Variants in RBFOX1 observed in about 807,000 individuals in gnomAD.
RBFOX1 encodes the protein RNA binding protein fox-1 homolog 1.
In RBFOX1, 8 loss-of-function variants were observed where a neutral mutation model predicts 57.7. That is an observed-to-expected ratio of 0.14 (90% confidence interval 0.08 to 0.25). The LOEUF is 0.25. Ranked by LOEUF, RBFOX1 falls within the 10% of genes least tolerant of loss-of-function variation. RBFOX1 has a pLI of 1.00. For missense variants in RBFOX1, 611 were observed against 548.5 expected (o/e 1.11, Z -1.14); for synonymous variants, 326 against 222.4 (o/e 1.47, Z -4.15).
intron 2 of RBFOX1, among the ~76,000 whole-genome samples, chr16:6,366,042 C>G (rs2089542124): frequency 6.7e-6 from 1 of 149,828 alleles, no homozygotes; most frequent in African/African-American, 2.5e-5. Context: ...TGGCTCCTTG[C>G]CTGACTTTCA....
chr16:7,606,881 TG>T (rs1467634494), intron 9 of RBFOX1, among the ~76,000 whole-genome samples: 1 of 152,216 alleles, frequency 6.6e-6, no homozygotes, highest in East Asian at 1.9e-4. Flanking sequence ...CCAAGAATTT[TG>T]TTTATGCAAG....
chr16:6,933,215 C>T (rs1479353977), intron 3 of RBFOX1, among the ~76,000 whole-genome samples: 1 of 152,204 alleles, frequency 6.6e-6, no homozygotes, highest in Admixed American at 6.5e-5. Context: ...TGTACAATAC[C>T]TTTCAGAGTC....
At chr16:6,896,205 G>A (rs369703685) in intron 3 of RBFOX1, among the ~76,000 whole-genome samples, 1 of 152,246 alleles carries the variant, frequency 6.6e-6, no homozygotes, top group South Asian at 2.1e-4. Flanking sequence ...CCTGGCAGGC[G>A]AAGGTTGTAG....
chr16:5,625,089 C>T (rs1246599529), intron 3 of RBFOX1, among the ~76,000 whole-genome samples: 2 of 152,160 alleles, frequency 1.3e-5, no homozygotes, highest in African/African-American at 4.8e-5. Flanking sequence ...GCACAGAATG[C>T]AATGAAATGG....
intron 3 of RBFOX1, among the ~76,000 whole-genome samples, chr16:5,746,292 G>A (rs1452151041): frequency 1.3e-5 from 2 of 152,086 alleles, no homozygotes; most frequent in Non-Finnish European, 2.9e-5. Context: ...TGTTCCATTG[G>A]TCTATATCTC....
chr16:6,626,334 C>T (rs896205475), intron 2 of RBFOX1, among the ~76,000 whole-genome samples: 1 of 152,084 alleles, frequency 6.6e-6, no homozygotes, highest in African/African-American at 2.4e-5. Flanking sequence ...AGAGAAGATC[C>T]ATGGTGTGGA....
At chr16:6,338,304 A>G (rs1468637549) in intron 2 of RBFOX1, among the ~76,000 whole-genome samples, 2 of 152,170 alleles carry the variant, frequency 1.3e-5, no homozygotes, top group East Asian at 1.9e-4. Flanking sequence ...AAGATTACCT[A>G]TTTTTAATAC....
At chr16:6,832,489 C>G (rs1024434583) in intron 3 of RBFOX1, among the ~76,000 whole-genome samples, 1 of 152,118 alleles carries the variant, frequency 6.6e-6, no homozygotes, top group South Asian at 2.1e-4. Context: ...AAATGTAACA[C>G]CTATTGGGTA....
At chr16:7,511,574 T>C (rs1409195006) in intron 4 of RBFOX1, among the ~76,000 whole-genome samples, 1 of 152,190 alleles carries the variant, frequency 6.6e-6, no homozygotes, top group African/African-American at 2.4e-5. Context: ...ATAGCAATGA[T>C]AGCCAGGCTA....
intron 4 of RBFOX1, among the ~76,000 whole-genome samples, chr16:7,359,764 C>G (rs1361283977): frequency 6.6e-6 from 1 of 152,110 alleles, no homozygotes; most frequent in Non-Finnish European, 1.5e-5. Flanking sequence ...GTGGGTGGAT[C>G]ACAAGTTCAG....
At chr16:5,916,264 C>T (rs1326521517) in intron 4 of RBFOX1, among the ~76,000 whole-genome samples, 3 of 152,164 alleles carry the variant, frequency 2.0e-5, no homozygotes, top group African/African-American at 7.2e-5. Context: ...TTATCCATAA[C>T]AGCTCTAATT....
rs560791388 is a variant in RBFOX1, at chr16:6,491,084, A to G, written c.-63-163519A>G. Reference sequence around the variant, plus strand: ...ATACTATCTATTAGTATGCAGTACTAAAATTTAAATTATACGTGTATATAT... The same window carrying G: ...ATACTATCTATTAGTATGCAGTACTGAAATTTAAATTATACGTGTATATAT... On this transcript the variant is annotated intron_variant, in intron 2 of 15. Coordinates refer to ENST00000550418, the MANE Select transcript of RBFOX1 (RefSeq NM_018723.4). Among the ~76,000 whole-genome samples, 14 of 152,262 alleles carry G rather than the reference A, an allele frequency of 9.2e-5. No individual in the cohort carries two copies. In the East Asian group the frequency reaches 2.5e-3, roughly 27 times the overall value.
intron 2 of RBFOX1, among the ~76,000 whole-genome samples, chr16:6,627,897 G>T (rs750286342): frequency 6.6e-5 from 10 of 152,156 alleles, no homozygotes; most frequent in Admixed American, 1.3e-4. Flanking sequence ...ATAAAATGGA[G>T]TTGCTTCATC....
chr16:7,290,167 A>C (rs1307897446), intron 4 of RBFOX1, among the ~76,000 whole-genome samples: 1 of 152,212 alleles, frequency 6.6e-6, no homozygotes, highest in Non-Finnish European at 1.5e-5. Context: ...GAGCAGGATA[A>C]AAGATGCATT....
chr16:6,169,506 A>G (rs1466631116), intron 1 of RBFOX1, among the ~76,000 whole-genome samples: 3 of 152,214 alleles, frequency 2.0e-5, no homozygotes, highest in Non-Finnish European at 4.4e-5. Context: ...CGATTCCTGA[A>G]TCAGGCAGCC....
chr16:7,088,863 A>G (rs1000156698), intron 4 of RBFOX1, among the ~76,000 whole-genome samples: 2 of 152,110 alleles, frequency 1.3e-5, no homozygotes, highest in South Asian at 2.1e-4. Flanking sequence ...CATCAGCATC[A>G]TCATCACTGT....
At chr16:7,333,139 T>A in intron 4 of RBFOX1, 1 of 1,537,838 alleles carries the variant, frequency 6.5e-7, no homozygotes, top group Non-Finnish European at 9.0e-7. Context: ...GTGCTCAGAG[T>A]AATAATTGGA....
At chr16:6,838,610 C>T (rs899270373) in intron 3 of RBFOX1, among the ~76,000 whole-genome samples, 1 of 152,158 alleles carries the variant, frequency 6.6e-6, no homozygotes, top group Non-Finnish European at 1.5e-5. Context: ...CTGTGCACTG[C>T]CACTTAAGTA....
intron 2 of RBFOX1, among the ~76,000 whole-genome samples, chr16:6,334,647 A>T (rs1260521807): frequency 6.6e-6 from 1 of 152,140 alleles, no homozygotes; most frequent in African/African-American, 2.4e-5. Flanking sequence ...TTCCAGGCTG[A>T]GTGAAATAAG....
Sources: allele counts gnomAD v4.1 joint callset (sites outside exome capture counted in the v4.1 genomes callset), GRCh38; gene constraint gnomAD v4.1.1; transcripts MANE v1.5; gene names NCBI Gene and HGNC (gene_info 2026-07-23, HGNC 2026-07-21).